Variants in EPHA6 observed in about 807,000 individuals in gnomAD.
EPHA6 encodes EPH receptor A6, also known as ephrin type-A receptor 6.
In EPHA6, 50 loss-of-function variants were observed where a neutral mutation model predicts 112.0. The ratio of observed to expected loss-of-function variants is 0.45; its 90% confidence interval spans 0.36 to 0.56. The LOEUF (loss-of-function observed/expected upper bound fraction) is 0.56, where lower values mean the gene tolerates loss of function less well. Among genes scored for constraint, EPHA6 ranks in the 20% least tolerant of loss-of-function variants. EPHA6 has a pLI of 0.00. For synonymous variants in EPHA6, 529 were observed against 490.7 expected, an observed-to-expected ratio of 1.08 and a Z score of -1.03; for missense variants, 1,280 against 1,417.4, an observed-to-expected ratio of 0.90 and a Z score of 1.56.
At chr3:97,355,867 A>G (rs2084044985) in intron 5 of EPHA6, among the ~76,000 whole-genome samples, 1 of 152,214 alleles carries the variant, frequency 6.6e-6, no homozygotes. Flanking sequence ...ACACAAAAAA[A>G]GGGCAGGAGT....
chr3:97,041,621 G>A (rs1313254784), intron 3 of EPHA6, among the ~76,000 whole-genome samples: 3 of 151,928 alleles, frequency 2.0e-5, no homozygotes, highest in Middle Eastern at 3.2e-3. Context: ...TTCTCACATC[G>A]CTATTAAAAG....
At chr3:97,494,310 T>G (rs2107532809) in intron 10 of EPHA6, among the ~76,000 whole-genome samples, 1 of 152,340 alleles carries the variant, frequency 6.6e-6, no homozygotes. Flanking sequence ...AATCTATCTC[T>G]GGTTAGAATC....
intron 3 of EPHA6, among the ~76,000 whole-genome samples, chr3:97,001,790 G>A (rs1404339563): frequency 2.0e-5 from 3 of 151,972 alleles, no homozygotes; most frequent in Non-Finnish European, 2.9e-5. Flanking sequence ...GAAGCATGCT[G>A]TACCAAAAAT....
intron 3 of EPHA6, among the ~76,000 whole-genome samples, chr3:97,103,265 A>G (rs1439998116): frequency 1.3e-5 from 2 of 152,034 alleles, no homozygotes; most frequent in Admixed American, 6.6e-5. Flanking sequence ...CACAGTTTTC[A>G]TAGTTCGAGG....
chr3:97,203,842 T>A (rs905369699), intron 3 of EPHA6, among the ~76,000 whole-genome samples: 2 of 152,168 alleles, frequency 1.3e-5, no homozygotes, highest in African/African-American at 4.8e-5. Flanking sequence ...ACCCCATTAG[T>A]CTTTTGCTTT....
chr3:96,874,854 G>T (rs893866663), intron 2 of EPHA6, among the ~76,000 whole-genome samples: 1 of 152,080 alleles, frequency 6.6e-6, no homozygotes, highest in South Asian at 2.1e-4. Flanking sequence ...ATGCAGAAGG[G>T]TTAGAGTAGG....
chr3:97,300,945 C>G (rs1167156768), intron 5 of EPHA6, among the ~76,000 whole-genome samples: 2 of 152,092 alleles, frequency 1.3e-5, no homozygotes, highest in Admixed American at 6.6e-5. Context: ...ATGATATGCT[C>G]CCTCTCATTA....
rs1031276322 is a variant in EPHA6 at position 97,521,924 on chromosome 3, A to C, written c.2201-10434A>C. ...AACTGTCTTCTGGAGAGCCTTTTTC[A>C]AAAAAAAAAAAAAAAAAAAGACAAG... On this transcript the variant is annotated intron_variant, in intron 10 of 17. Transcript: ENST00000389672. Among the ~76,000 whole-genome samples, 11 of 76,310 alleles carry C rather than the reference A, an allele frequency of 1.4e-4. No individual in the cohort carries two copies. In the Admixed American group the frequency reaches 1.6e-3, roughly 11 times the overall value. The allele number at this position is 76,310 out of a possible 152,430, so 50.1% of individuals were successfully genotyped here.
chr3:97,717,516 C>A (rs1452646125), intron 14 of EPHA6, among the ~76,000 whole-genome samples: 1 of 152,164 alleles, frequency 6.6e-6, no homozygotes, highest in African/African-American at 2.4e-5. Flanking sequence ...ATGGCTTCTT[C>A]TTGAGGATGG....
intron 1 of EPHA6, among the ~76,000 whole-genome samples, chr3:96,827,094 G>A (rs1225535557): frequency 6.6e-6 from 1 of 152,048 alleles, no homozygotes; most frequent in African/African-American, 2.4e-5. Context: ...GTAAAGTCAG[G>A]CTTAGGAGGA....
intron 3 of EPHA6, among the ~76,000 whole-genome samples, chr3:96,990,490 T>G (rs1157797023): frequency 6.6e-6 from 1 of 152,168 alleles, no homozygotes; most frequent in Non-Finnish European, 1.5e-5. Flanking sequence ...TATCTATGGC[T>G]TACAAACCTC....
intron 3 of EPHA6, among the ~76,000 whole-genome samples, chr3:97,040,265 T>A (rs1200948910): frequency 6.6e-6 from 1 of 151,960 alleles, no homozygotes; most frequent in African/African-American, 2.4e-5. Flanking sequence ...CCTGTGTGTC[T>A]TAAGTCTCAA....
intron 14 of EPHA6, among the ~76,000 whole-genome samples, chr3:97,694,409 G>C (rs2032886917): frequency 1.3e-5 from 2 of 151,942 alleles, no homozygotes; most frequent in Non-Finnish European, 2.9e-5. Flanking sequence ...GCTAATTTTT[G>C]TATTTTTGGT....
intron 3 of EPHA6, among the ~76,000 whole-genome samples, chr3:97,214,343 T>C (rs1242742639): frequency 6.6e-6 from 1 of 152,032 alleles, no homozygotes; most frequent in African/African-American, 2.4e-5. Context: ...CCTGGCTTCA[T>C]GTATTCTTTA....
chr3:96,948,025 C>A (rs534632815), intron 2 of EPHA6, among the ~76,000 whole-genome samples: 4 of 152,158 alleles, frequency 2.6e-5, no homozygotes, highest in East Asian at 1.9e-4. Flanking sequence ...TAGCTCATTT[C>A]TTTTTAGTAC....
chr3:97,656,849 A>G (rs1393354948), intron 14 of EPHA6, among the ~76,000 whole-genome samples: 2 of 151,986 alleles, frequency 1.3e-5, no homozygotes, highest in South Asian at 2.1e-4. Flanking sequence ...TCACATTAAC[A>G]TAAACACACA....
chr3:97,506,340 A>G (rs1005914735), intron 10 of EPHA6, among the ~76,000 whole-genome samples: 1 of 152,154 alleles, frequency 6.6e-6, no homozygotes, highest in African/African-American at 2.4e-5. Flanking sequence ...TCTTTAGTCC[A>G]TCTTGAGTTA....
intron 11 of EPHA6, among the ~76,000 whole-genome samples, chr3:97,575,060 A>G (rs1302961806): frequency 1.3e-5 from 2 of 152,196 alleles, no homozygotes; most frequent in Non-Finnish European, 2.9e-5. Flanking sequence ...AAACTAGATT[A>G]CTTTTTTAAC....
intron 1 of EPHA6, among the ~76,000 whole-genome samples, chr3:96,849,984 C>T (rs1429137115): frequency 3.3e-5 from 5 of 152,074 alleles, no homozygotes; most frequent in African/African-American, 1.2e-4. Context: ...AGATGAAATT[C>T]CAAGCTCAAG....
Sources: allele counts gnomAD v4.1 joint callset (sites outside exome capture counted in the v4.1 genomes callset), GRCh38; gene constraint gnomAD v4.1.1; transcripts MANE v1.5; gene names NCBI Gene and HGNC (gene_info 2026-07-23, HGNC 2026-07-21).